The following PPFIA2 variants were observed in gnomAD, a reference collection of about 807,000 sequenced individuals.
The protein encoded by PPFIA2 is PPFI scaffold protein A2.
PPFIA2 carries 46 observed loss-of-function variants against 175.5 expected under a neutral mutation model. That is an observed-to-expected ratio of 0.26 (90% CI 0.21 to 0.34). The LOEUF (loss-of-function observed/expected upper bound fraction) is 0.34, where lower values mean the gene tolerates loss of function less well. Among genes scored for constraint, PPFIA2 ranks in the 10% least tolerant of loss-of-function variants. The pLI is 1.00. For missense variants in PPFIA2, 1,179 were observed against 1,506.1 expected, an observed-to-expected ratio of 0.78 and a Z score of 3.60; for synonymous variants, 568 against 511.4, an observed-to-expected ratio of 1.11 and a Z score of -1.49.
At chr12:81,555,786 A>T (rs1363091350) in intron 4 of PPFIA2, among the ~76,000 whole-genome samples, 1 of 151,950 alleles carries the variant, frequency 6.6e-6, no homozygotes, top group East Asian at 1.9e-4. Context: ...AGAATCCCAC[A>T]ACTCATGTCT....
In PPFIA2 at chr12:81,493,543, A is replaced by C. The variant is rs934938524; in HGVS notation, c.304-35677T>G. Reference sequence around the variant, plus strand: ...TCTGTCACCAGATTTGGCAACACAGAAATCACTGATGTTGTTAATATTGTC... The same window carrying C: ...TCTGTCACCAGATTTGGCAACACAGCAATCACTGATGTTGTTAATATTGTC... On this transcript the variant is annotated intron_variant, in intron 4 of 32. Transcript: ENST00000549396. 2.6e-5 allele frequency among the ~76,000 whole-genome samples: 4 copies of C among 152,080 alleles called. No individual in the cohort carries two copies. The South Asian group carries it at 8.3e-4, about 32-fold the overall frequency.
At chr12:81,413,190 C>A (rs916925846) in intron 7 of PPFIA2, among the ~76,000 whole-genome samples, 6 of 151,546 alleles carry the variant, frequency 4.0e-5, no homozygotes, top group African/African-American at 1.5e-4. Context: ...ATTCTCAGTT[C>A]TTAGGACACT....
chr12:81,491,018 T>C (rs1002152121), intron 4 of PPFIA2, among the ~76,000 whole-genome samples: 1 of 151,988 alleles, frequency 6.6e-6, no homozygotes, highest in Non-Finnish European at 1.5e-5. Context: ...TGTTCCTTTA[T>C]ACTCTCCAGG....
intron 4 of PPFIA2, among the ~76,000 whole-genome samples, chr12:81,554,477 T>C (rs1213044089): frequency 5.3e-5 from 8 of 152,016 alleles, no homozygotes; most frequent in Admixed American, 1.3e-4. Flanking sequence ...CCATGGCTTC[T>C]TCCAATTTTC....
chr12:81,300,822 G>T (rs963294773), intron 22 of PPFIA2, among the ~76,000 whole-genome samples: 3 of 151,980 alleles, frequency 2.0e-5, no homozygotes, highest in Non-Finnish European at 4.4e-5. Context: ...ATATAGAAAT[G>T]GATTGAAGGA....
chr12:81,347,529 A>G lies in PPFIA2; in HGVS notation c.2232+4T>C. On this transcript the variant is annotated splice_donor_region_variant and intron_variant, in intron 18 of 32. Transcript: ENST00000549396. The stretch of plus-strand genomic sequence containing the variant: ...GCAAAGGTTCTCTGGACACATCACC[A>G]TACCAGTGTCATGACTCCCATCCGA... 6.3e-7 allele frequency: 1 copy of G among 1,589,440 alleles called. No homozygotes were observed. Among genetic ancestry groups the G allele is most frequent in the East Asian group, 2.2e-5 (1 of 44,730 alleles).
chr12:81,754,491 A>G (rs1236613189), intron 2 of PPFIA2, among the ~76,000 whole-genome samples: 1 of 152,152 alleles, frequency 6.6e-6, no homozygotes, highest in Non-Finnish European at 1.5e-5. Context: ...GTTTCTCAAA[A>G]TTGTTGTTCA....
At position 81,757,688 on chromosome 12, in the gene PPFIA2, C is replaced by A. The variant is rs938548200; in HGVS notation, c.-3+712G>T. Among the ~76,000 whole-genome samples, 4 of 152,204 alleles carry A rather than the reference C, an allele frequency of 2.6e-5. No homozygotes were observed. The East Asian group carries it at 7.7e-4, about 29-fold the overall frequency. On this transcript the variant is annotated intron_variant, in intron 2 of 32. Coordinates refer to ENST00000549396, the MANE Select transcript of PPFIA2 (RefSeq NM_003625.5). ...GTTTGAATGCCCACTGGAGTCCTCA[C>A]TCAAGGGCTTTCAAGATCCAATGTG...
chr12:81,314,279 A>C (rs2051762179), intron 22 of PPFIA2, among the ~76,000 whole-genome samples: 1 of 151,816 alleles, frequency 6.6e-6, no homozygotes, highest in Non-Finnish European at 1.5e-5. Context: ...AATTTTTCTT[A>C]TTGTAAATAT....
chr12:81,479,288 C>T (rs2057892315), intron 4 of PPFIA2, among the ~76,000 whole-genome samples: 2 of 152,034 alleles, frequency 1.3e-5, no homozygotes, highest in Non-Finnish European at 2.9e-5. Context: ...GGTAAATATT[C>T]CTCCGTCCCT....
intron 7 of PPFIA2, among the ~76,000 whole-genome samples, chr12:81,434,435 G>A (rs1438233708): frequency 1.3e-5 from 2 of 152,054 alleles, no homozygotes; most frequent in African/African-American, 2.4e-5. Flanking sequence ...AAAGCCTACT[G>A]TAATATGTCA....
At chr12:81,555,318 TG>T (rs2153379354) in intron 4 of PPFIA2, among the ~76,000 whole-genome samples, 1 of 152,112 alleles carries the variant, frequency 6.6e-6, no homozygotes, top group Admixed American at 6.6e-5. Flanking sequence ...GATTTCAAAA[TG>T]GAAAGTTTTT....
intron 19 of PPFIA2, among the ~76,000 whole-genome samples, chr12:81,342,160 T>C (rs1375078026): frequency 6.6e-6 from 1 of 152,110 alleles, no homozygotes; most frequent in African/African-American, 2.4e-5. Context: ...TGACTCAGGA[T>C]ACTATCCATT....
At chr12:81,344,452 TC>T (rs1312017217) in intron 19 of PPFIA2, among the ~76,000 whole-genome samples, 1 of 151,334 alleles carries the variant, frequency 6.6e-6, no homozygotes, top group African/African-American at 2.4e-5. Context: ...ATATTATGGT[TC>T]TTATAATCTA....
At chr12:81,596,408 G>A (rs930373341) in intron 4 of PPFIA2, among the ~76,000 whole-genome samples, 1 of 152,070 alleles carries the variant, frequency 6.6e-6, no homozygotes, top group African/African-American at 2.4e-5. Flanking sequence ...AATTAAAAAT[G>A]TAGAAGAACA....
intron 23 of PPFIA2, among the ~76,000 whole-genome samples, chr12:81,295,566 T>C (rs892735580): frequency 3.3e-5 from 5 of 152,176 alleles, no homozygotes; most frequent in African/African-American, 1.2e-4. Context: ...ATGTGAAAGA[T>C]GTGTGAACTT....
At position 81,427,928 on chromosome 12, in the gene PPFIA2, G is replaced by A. The variant is rs955910729; in HGVS notation, c.645+12044C>T. Among the ~76,000 whole-genome samples the A allele has an allele frequency of 5.3e-5, 8 of 151,912 alleles. No homozygotes were observed. In the East Asian group the frequency reaches 1.5e-3, roughly 29 times the overall value. On this transcript the variant is annotated intron_variant, in intron 7 of 32. Transcript: ENST00000549396. ...TTAATTGCCAGGTGCTATGGAATTA[G>A]TAAATGATAGCTCTATAATTCAATC...
At position 81,655,757 on chromosome 12, in the gene PPFIA2, G is replaced by A. The variant is rs115840950; in HGVS notation, c.303+21034C>T. 3.3e-3 allele frequency among the ~76,000 whole-genome samples: 502 copies of A among 151,956 alleles called. 3 individuals are homozygous for A. Among genetic ancestry groups the A allele is most frequent in the African/African-American group, 0.012 (487 of 41,492 alleles). ...GTCAATTTGGGGAAATAAAGTAAGC[G>A]CTCTATATATGTCACCAAGGCCAAG... On this transcript the variant is annotated intron_variant, in intron 4 of 32. Coordinates refer to ENST00000549396, the MANE Select transcript of PPFIA2 (RefSeq NM_003625.5).
intron 4 of PPFIA2, among the ~76,000 whole-genome samples, chr12:81,560,870 C>T (rs1001717298): frequency 6.6e-6 from 1 of 152,116 alleles, no homozygotes; most frequent in Non-Finnish European, 1.5e-5. Flanking sequence ...ATAAATCTAT[C>T]TGAAAACAGC....
Sources: gnomAD v4.1 joint callset for allele counts (sites outside exome capture counted in the v4.1 genomes callset) on GRCh38, gnomAD v4.1.1 for gene constraint, MANE v1.5 for transcripts, NCBI Gene and HGNC (gene_info 2026-07-23, HGNC 2026-07-21) for gene names.